Variants in OTOGL observed in about 807,000 individuals in gnomAD.
The protein encoded by OTOGL is otogelin-like protein.
A neutral mutation model predicts 318.5 loss-of-function variants in OTOGL; 285 were observed. That is an observed-to-expected ratio of 0.89 (90% CI 0.81 to 0.99). The LOEUF is 0.99. Among genes scored for constraint, OTOGL ranks in the 50% least tolerant of loss-of-function variants. The pLI is 0.00. For synonymous variants in OTOGL, 987 were observed against 936.5 expected (o/e 1.05, Z -0.99); for missense variants, 2,899 against 2,845.6 (o/e 1.02, Z -0.43).
chr12:80,178,303 C>T (rs944916492), intron 1 of OTOGL, among the ~76,000 whole-genome samples: 9 of 151,830 alleles, frequency 5.9e-5, no homozygotes, highest in South Asian at 2.1e-4. Context: ...TCAAGTGATC[C>T]GCCTGCCTCG....
intron 26 of OTOGL, among the ~76,000 whole-genome samples, chr12:80,288,591 C>A (rs751338905): frequency 1.3e-5 from 2 of 151,838 alleles, no homozygotes; most frequent in Non-Finnish European, 2.9e-5. Flanking sequence ...AGGCTTTGTT[C>A]CTTTTCATTC....
intron 12 of OTOGL, 87 bp downstream of exon 12, chr12:80,251,886 C>T (rs1881585598): frequency 4.9e-6 from 6 of 1,232,418 alleles, no homozygotes; most frequent in Non-Finnish European, 6.7e-6. Flanking sequence ...CTACTCAATA[C>T]TAATGAATTG....
Position 80,305,661 on chromosome 12 carries a change from C to G in OTOGL, c.3299C>G (p.Ala1100Gly). ...TTSNNLEVRNARVFGDSWALG... is the reference protein window; with the variant it reads ...TTSNNLEVRNGRVFGDSWALG... The stretch of plus-strand genomic sequence containing the variant: ...TCTAATAACTTGGAAGTGAGAAATG[C>G]TCGGGTATTTGGAGATAGTTGGGCA... Residue 1100 changes from alanine to glycine, a missense_variant, in exon 29 of 59, where the codon GCT becomes GGT. Transcript: ENST00000547103. The G allele has an allele frequency of 1.9e-6, 3 of 1,576,864 alleles. No homozygotes were observed. In the Admixed American group the frequency reaches 5.4e-5, roughly 29 times the overall value.
At chr12:80,335,693 T>A (rs972553539) in intron 38 of OTOGL, among the ~76,000 whole-genome samples, 25 of 152,118 alleles carry the variant, frequency 1.6e-4, no homozygotes, top group South Asian at 4.1e-4. Context: ...ACTAGGGAAT[T>A]CAGGAGAACA....
At chr12:80,147,015 T>A (rs1215171757) in intron 1 of OTOGL, among the ~76,000 whole-genome samples, 2 of 152,048 alleles carry the variant, frequency 1.3e-5, no homozygotes, top group African/African-American at 4.8e-5. Context: ...GCTCCTGGAT[T>A]CATTAATTTT....
At chr12:80,196,373 C>T (rs975635647) in intron 1 of OTOGL, among the ~76,000 whole-genome samples, 5 of 152,078 alleles carry the variant, frequency 3.3e-5, no homozygotes, top group African/African-American at 7.2e-5. Flanking sequence ...TAAATGTAGA[C>T]GGGGTCTCAG....
chr12:80,226,121 A>C (rs1485185397), intron 7 of OTOGL, among the ~76,000 whole-genome samples: 1 of 148,226 alleles, frequency 6.7e-6, no homozygotes, highest in Non-Finnish European at 1.5e-5. Flanking sequence ...TTATTCCTTC[A>C]CTTCCTGTTA....
intron 56 of OTOGL, among the ~76,000 whole-genome samples, chr12:80,371,431 GA>G (rs976068764): frequency 3.3e-5 from 5 of 152,010 alleles, no homozygotes; most frequent in South Asian, 4.2e-4. Context: ...TTCAGCTCTG[GA>G]AAAAACTTGG....
chr12:80,348,963 CT>C (rs1192789788), intron 44 of OTOGL, among the ~76,000 whole-genome samples: 1 of 152,050 alleles, frequency 6.6e-6, no homozygotes, highest in Admixed American at 6.6e-5. Context: ...TTTTATTTGT[CT>C]TTATTCTTAT....
At chr12:80,153,900 T>C (rs1192732552) in intron 1 of OTOGL, among the ~76,000 whole-genome samples, 1 of 152,238 alleles carries the variant, frequency 6.6e-6, no homozygotes, top group Non-Finnish European at 1.5e-5. Context: ...CATTTCTTCT[T>C]AATGCTGTTA....
At chr12:80,147,647 C>T (rs1470966676) in intron 1 of OTOGL, among the ~76,000 whole-genome samples, 1 of 151,982 alleles carries the variant, frequency 6.6e-6, no homozygotes, top group African/African-American at 2.4e-5. Flanking sequence ...CTAATGTTGA[C>T]AGTGGGGTGT....
rs1888596244 is a variant in OTOGL, at chr12:80,339,177, A to G, written c.4963A>G (p.Ile1655Val). ...MYVITTPAGL[I>V]IKWSHLTGII... The stretch of plus-strand genomic sequence containing the variant: ...TGTAATTACTACTCCAGCTGGACTA[A>G]TCATAAAGTGGTCTCATCTTACAGG... Residue 1655 changes from isoleucine to valine, a missense_variant, in exon 43 of 59, where the codon ATC (isoleucine) becomes GTC (valine). This residue lies in a region of OTOGL where 2,607 missense variants were observed against 2,524.9 expected (regional missense o/e 1.03). Coordinates refer to ENST00000547103, the MANE Select transcript of OTOGL (RefSeq NM_001378609.3). The G allele has an allele frequency of 2.5e-6, 4 of 1,611,568 alleles. No homozygotes were observed. Among genetic ancestry groups the G allele is most frequent in the Non-Finnish European group, 2.5e-6 (3 of 1,177,894 alleles).
intron 1 of OTOGL, among the ~76,000 whole-genome samples, chr12:80,105,983 T>C (rs1440084379): frequency 1.3e-5 from 2 of 152,160 alleles, no homozygotes; most frequent in Admixed American, 6.5e-5. Flanking sequence ...TTTGGATCTG[T>C]TCAGATTTAA....
At position 80,339,180 on chromosome 12, in the gene OTOGL, A is replaced by G. The variant is rs749309276; in HGVS notation, c.4966A>G (p.Ile1656Val). 2.5e-6 allele frequency: 4 copies of G among 1,611,842 alleles called. No individual in the cohort carries two copies. The Admixed American group carries it at 5.0e-5, about 20-fold the overall frequency. ...AATTACTACTCCAGCTGGACTAATC[A>G]TAAAGTGGTCTCATCTTACAGGAAT... is the stretch of plus-strand genomic sequence containing the variant. ...YVITTPAGLI[I>V]KWSHLTGIID... is the part of the protein sequence containing the mutation. The change falls in exon 43 of 59, where the codon ATA becomes GTA. Residue 1656 changes from isoleucine (I) to valine (V), a missense_variant. Ile to Val is a conservative substitution (Grantham distance 29). Coordinates refer to ENST00000547103, the MANE Select transcript of OTOGL (RefSeq NM_001378609.3).
chr12:80,207,401 T>C (rs915992171), intron 1 of OTOGL, among the ~76,000 whole-genome samples: 5 of 152,008 alleles, frequency 3.3e-5, no homozygotes, highest in African/African-American at 1.2e-4. Flanking sequence ...GACGGGGTTT[T>C]TCCATGTTGG....
At chr12:80,167,752 T>C (rs1463901356) in intron 1 of OTOGL, among the ~76,000 whole-genome samples, 2 of 152,134 alleles carry the variant, frequency 1.3e-5, no homozygotes, top group Non-Finnish European at 2.9e-5. Flanking sequence ...ACTGTTTTTC[T>C]CGTTCTCAAG....
intron 7 of OTOGL, 109 bp from the exon 8 acceptor site, chr12:80,229,148 A>G (rs778812533): frequency 8.1e-5 from 101 of 1,241,250 alleles, no homozygotes; most frequent in Non-Finnish European, 8.5e-5. Flanking sequence ...AACGTTGTAA[A>G]GTGTCATGGG....
chr12:80,355,261 A>T (rs1592748851), intron 46 of OTOGL, among the ~76,000 whole-genome samples: 1 of 113,072 alleles, frequency 8.8e-6, no homozygotes, highest in Non-Finnish European at 1.7e-5. Context: ...GACAGGATCT[A>T]CTCTGTTGCA....
At chr12:80,331,065 T>C (rs1387575024) in intron 37 of OTOGL, among the ~76,000 whole-genome samples, 3 of 152,210 alleles carry the variant, frequency 2.0e-5, no homozygotes, top group Non-Finnish European at 2.9e-5. Context: ...ATACAATCCC[T>C]ATCAAAATCC....
Sources: allele counts gnomAD v4.1 joint callset (sites outside exome capture counted in the v4.1 genomes callset), GRCh38; gene constraint gnomAD v4.1.1; regional missense constraint gnomAD v4.1.1; transcripts MANE v1.5; gene names NCBI Gene and HGNC (gene_info 2026-07-23, HGNC 2026-07-21).